Variants in MKLN1 observed in about 807,000 individuals in gnomAD.
MKLN1 encodes the protein muskelin 1.
A neutral mutation model predicts 99.0 loss-of-function variants in MKLN1; 18 were observed. That is an observed-to-expected ratio of 0.18 (90% CI 0.13 to 0.27). The LOEUF is 0.27. MKLN1 is among the 10% of genes least tolerant of loss of function. The pLI, the probability that MKLN1 is intolerant of heterozygous loss-of-function variation, is 1.00. For missense variants in MKLN1, 621 were observed against 875.9 expected (o/e 0.71, Z 3.67); for synonymous variants, 288 against 293.2 (o/e 0.98, Z 0.18).
Position 131,491,909 on chromosome 7 carries a change from T to C in MKLN1, c.*4181T>C, listed in dbSNP as rs963160070. ...TTCTGTGGCATTCTGTAGGACATTGTATTGCTTGGAAAAAAAAAGATCAAA... is the reference window on the plus strand; with the variant it reads ...TTCTGTGGCATTCTGTAGGACATTGCATTGCTTGGAAAAAAAAAGATCAAA... On this transcript the variant is annotated 3_prime_UTR_variant, in exon 18 of 18. Transcript: ENST00000352689. 5 of 152,628 alleles carry C rather than the reference T, an allele frequency of 3.3e-5. No homozygotes were observed. The highest frequency in any genetic ancestry group is 5.9e-5 in the Non-Finnish European group (4 of 68,048). 9.5% of individuals were successfully genotyped at this position (152,628 alleles called of 1,614,324 possible).
At chr7:131,318,398 G>T (rs565606417) in intron 3 of MKLN1, among the ~76,000 whole-genome samples, 1 of 152,216 alleles carries the variant, frequency 6.6e-6, no homozygotes, top group Non-Finnish European at 1.5e-5. Flanking sequence ...GAAGTTCTTC[G>T]AAACCAATGA....
intron 1 of MKLN1, among the ~76,000 whole-genome samples, chr7:131,142,125 A>G (rs1795742778): frequency 6.6e-6 from 1 of 151,780 alleles, no homozygotes; most frequent in Admixed American, 6.6e-5. Flanking sequence ...AACAAAAAAA[A>G]GGCAGGGCAC....
intron 2 of MKLN1, among the ~76,000 whole-genome samples, chr7:131,177,616 G>A (rs888286115): frequency 2.0e-5 from 3 of 151,930 alleles, no homozygotes; most frequent in Non-Finnish European, 4.4e-5. Context: ...ATTCTTGCTT[G>A]TTTTTGACTT....
At chr7:131,189,625 G>C (rs117663236) in intron 2 of MKLN1, among the ~76,000 whole-genome samples, 337 of 151,982 alleles carry the variant, frequency 2.2e-3, no homozygotes, top group African/African-American at 7.8e-3. Flanking sequence ...AGCCAGTCAG[G>C]GTCCTTAGCT....
At chr7:131,333,543 T>TG in intron 1 of MKLN1, among the ~76,000 whole-genome samples, 1 of 152,262 alleles carries the variant, frequency 6.6e-6, no homozygotes, top group East Asian at 1.9e-4. Context: ...TACAGAAATT[T>TG]TTTTTTTTTT....
chr7:131,136,736 G>C (rs6942553), intron 1 of MKLN1, among the ~76,000 whole-genome samples: 2 of 152,178 alleles, frequency 1.3e-5, no homozygotes, highest in African/African-American at 4.8e-5. Flanking sequence ...TTCTCCAAAT[G>C]CATTGTCTGC....
At position 131,321,875 on chromosome 7, in the gene MKLN1, TCA is replaced by T. The variant is rs1798783252; in HGVS notation, c.-178-53546_-178-53545del. On this transcript the variant is annotated intron_variant, in intron 3 of 7. Transcript: ENST00000416992. Reference sequence around the variant, plus strand: ...TCACTAGCCACAAGTAAAGTACAACTCACATTTCTATCTGATCTCAGCTTCTC... The same window carrying T: ...TCACTAGCCACAAGTAAAGTACAACTCATTTCTATCTGATCTCAGCTTCTC... 4.6e-5 allele frequency among the ~76,000 whole-genome samples: 7 copies of T among 152,304 alleles called. No individual in the cohort carries two copies. In the South Asian group the frequency reaches 1.4e-3, roughly 32 times the overall value.
chr7:131,475,665 T>G (rs961029660), intron 16 of MKLN1, among the ~76,000 whole-genome samples: 2 of 151,930 alleles, frequency 1.3e-5, no homozygotes, highest in African/African-American at 4.8e-5. Context: ...ATGCAAAAAA[T>G]TAGCTGGGTG....
chr7:131,276,861 G>C (rs1033720803), intron 3 of MKLN1, among the ~76,000 whole-genome samples: 1 of 152,182 alleles, frequency 6.6e-6, no homozygotes, highest in Non-Finnish European at 1.5e-5. Context: ...TTGAGGAGGA[G>C]TATTACAAAT....
chr7:131,213,474 T>C (rs1796935914), intron 3 of MKLN1, among the ~76,000 whole-genome samples: 1 of 152,244 alleles, frequency 6.6e-6, no homozygotes, highest in Non-Finnish European at 1.5e-5. Context: ...GAGGTTTTTC[T>C]AGGCCAGAGT....
At chr7:131,416,251 G>T (rs983304425) in intron 8 of MKLN1, among the ~76,000 whole-genome samples, 6 of 152,118 alleles carry the variant, frequency 3.9e-5, no homozygotes, top group Non-Finnish European at 7.4e-5. Flanking sequence ...CCTTATCTGG[G>T]GAGGCAGAAG....
chr7:131,402,775 C>CT (rs1241131863), intron 6 of MKLN1, among the ~76,000 whole-genome samples: 1 of 152,046 alleles, frequency 6.6e-6, no homozygotes. Context: ...TGAAAGAAAT[C>CT]TTTTTTTCTT....
At chr7:131,393,879 G>T (rs569400382) in intron 4 of MKLN1, among the ~76,000 whole-genome samples, 1 of 151,768 alleles carries the variant, frequency 6.6e-6, no homozygotes, top group African/African-American at 2.4e-5. Flanking sequence ...TCTTGCTTCT[G>T]CCTCCCAAAG....
chr7:131,328,243 A>G (rs879882883), intron 1 of MKLN1: 2 of 509,074 alleles, frequency 3.9e-6, no homozygotes, highest in Non-Finnish European at 3.5e-6. Flanking sequence ...GGGCGCGCAC[A>G]GGAGAACCGG....
At chr7:131,182,976 G>A (rs1796397163) in intron 2 of MKLN1, among the ~76,000 whole-genome samples, 1 of 152,202 alleles carries the variant, frequency 6.6e-6, no homozygotes, top group African/African-American at 2.4e-5. Context: ...TTGCTTAAAT[G>A]TCAATCAAAT....
chr7:131,336,344 C>T (rs1337592814), intron 1 of MKLN1, among the ~76,000 whole-genome samples: 1 of 151,900 alleles, frequency 6.6e-6, no homozygotes, highest in African/African-American at 2.4e-5. Context: ...TATTTGGGGT[C>T]TGTTTCTTGT....
chr7:131,251,121 G>GTGTGTGTGTGTGTGTA (rs143561333), intron 3 of MKLN1, among the ~76,000 whole-genome samples: 49 of 147,960 alleles, frequency 3.3e-4, no homozygotes, highest in African/African-American at 7.2e-4. Context: ...GTGTGTGTGT[G>GTGTGTGTGTGTGTGTA]TGTGTACCAT....
At chr7:131,449,909 G>A (rs548445109) in intron 12 of MKLN1, among the ~76,000 whole-genome samples, 17 of 152,210 alleles carry the variant, frequency 1.1e-4, no homozygotes, top group African/African-American at 3.1e-4. Context: ...GGAAAATAGC[G>A]TCTCTGTCCA....
In MKLN1 at chr7:131,221,482, C is replaced by T. The variant is rs1233203745; in HGVS notation, c.-179+18508C>T. On this transcript the variant is annotated intron_variant, in intron 3 of 7. Coordinates refer to the MKLN1 transcript ENST00000416992. ...CATGGAACCAACTGAGGTTTCCATT[C>T]TGGAGATTTGATCATGCCACTTTTT... 9.6e-5 allele frequency among the ~76,000 whole-genome samples: 14 copies of T among 146,290 alleles called. No homozygotes were observed. In the Admixed American group the frequency reaches 9.7e-4, roughly 10 times the overall value.
Sources: allele counts gnomAD v4.1 joint callset (sites outside exome capture counted in the v4.1 genomes callset), GRCh38; gene constraint gnomAD v4.1.1; transcripts MANE v1.5; gene names NCBI Gene and HGNC (gene_info 2026-07-23, HGNC 2026-07-21).